Variants in RBMS2 observed in about 807,000 individuals in gnomAD.
The protein encoded by RBMS2 is RNA binding motif single stranded interacting protein 2.
A neutral mutation model predicts 58.4 loss-of-function variants in RBMS2; 38 were observed. That is an observed-to-expected ratio of 0.65 (90% CI 0.50 to 0.85). The LOEUF (loss-of-function observed/expected upper bound fraction) is 0.85. Ranked by LOEUF, RBMS2 falls within the 40% of genes least tolerant of loss-of-function variation. The pLI, the probability that RBMS2 is intolerant of heterozygous loss-of-function variation, is 0.00. For synonymous variants in RBMS2, 151 were observed against 180.7 expected (o/e 0.84, Z 1.32); for missense variants, 367 against 503.7 (o/e 0.73, Z 2.60).
rs12305313 is a variant in RBMS2 at position 56,577,758 on chromosome 12, T to C, written c.543-3426T>C. 8.2e-3 allele frequency among the ~76,000 whole-genome samples: 1,247 copies of C among 152,054 alleles called. 17 individuals are homozygous for C. Among genetic ancestry groups the C allele is most frequent in the African/African-American group, 0.029 (1,192 of 41,472 alleles). ...AGTGCAGTGCTGCAATCTTGGCTCA[T>C]GGCAACCTCTGCCTCCCAGGTTCAA... is the stretch of plus-strand genomic sequence containing the variant. On this transcript the variant is annotated intron_variant, in intron 5 of 13. Coordinates refer to ENST00000262031, the MANE Select transcript of RBMS2 (RefSeq NM_002898.4).
At chr12:56,539,688 G>A in intron 1 of RBMS2, 1 of 451,146 alleles carries the variant, frequency 2.2e-6, no homozygotes, top group Non-Finnish European at 4.4e-6. Context: ...TTTTTGAGAT[G>A]GAGTTTCGTT....
rs1439249250 is a variant in RBMS2, at chr12:56,546,157, G to A, written c.67-16260G>A. 2.1e-4 allele frequency among the ~76,000 whole-genome samples: 32 copies of A among 149,552 alleles called. 1 individual carries two copies. The highest frequency in any genetic ancestry group is 2.0e-3 in the Admixed American group (30 of 14,996). On this transcript the variant is annotated intron_variant, in intron 1 of 13. Coordinates refer to ENST00000262031, the MANE Select transcript of RBMS2 (RefSeq NM_002898.4). ...TTTTGAGACAGAGTCTTGCTCTGTC[G>A]CCCAGGCTGGAGTGCAGTGGTGCGA...
In RBMS2 at chr12:56,581,483, G is replaced by A. The variant is rs746546309; in HGVS notation, c.707G>A (p.Arg236Gln). The stretch of plus-strand genomic sequence containing the variant: ...CAAGGAAAATTTGTGCAAAATGGAC[G>A]GGCTTGGCCAAGGAATGCAGACATG... ...QNQGKFVQNG[R>Q]AWPRNADMGV... The change falls in exon 7 of 14, where the codon CGG (arginine) becomes CAG (glutamine). Residue 236 changes from arginine to glutamine, a missense_variant. By Grantham distance (43) the Arg-to-Gln change is conservative (BLOSUM62 1). Around this residue, in one of 3 missense-constraint regions of RBMS2, gnomAD observed 220 missense variants for 261.1 expected, o/e 0.84. Coordinates refer to ENST00000262031, the MANE Select transcript of RBMS2 (RefSeq NM_002898.4). The A allele has an allele frequency of 1.2e-6, 2 of 1,614,158 alleles. No homozygotes were observed. The highest frequency in any genetic ancestry group is 1.7e-6 in the Non-Finnish European group (2 of 1,180,026).
chr12:56,587,559 A>C lies in RBMS2; in HGVS notation c.957A>C (p.Ser319=). 1.2e-6 allele frequency: 2 copies of C among 1,613,652 alleles called. No homozygotes were observed. The highest frequency in any genetic ancestry group is 1.7e-6 in the Non-Finnish European group (2 of 1,179,754). ...TCCTTTGTTGCTGCCTCTAGGGTTC[A>C]GTTCTGACACCAGGGATGGACCATC... The part of the protein sequence containing the change: ...HHSYLMQPSG[S]VLTPGMDHPI... Residue 319 remains serine, a synonymous_variant, in exon 11 of 14, where the codon TCA becomes TCC. Coordinates refer to ENST00000262031, the MANE Select transcript of RBMS2 (RefSeq NM_002898.4).
intron 1 of RBMS2, among the ~76,000 whole-genome samples, chr12:56,536,922 CTTTTTT>C (rs975256484): frequency 2.3e-5 from 3 of 131,650 alleles, no homozygotes; most frequent in South Asian, 2.4e-4. Context: ...CCATCTTGAA[CTTTTTT>C]TTTTTTTTTT....
chr12:56,587,967 A>T lies in RBMS2; in HGVS notation c.1062+303A>T, dbSNP rs71459380. Among the ~76,000 whole-genome samples the T allele has an allele frequency of 4.1e-3, 620 of 152,262 alleles. 1 individual carries two copies. The highest frequency in any genetic ancestry group is 7.1e-3 in the Non-Finnish European group (484 of 68,014). On this transcript the variant is annotated intron_variant, in intron 11 of 13. Coordinates refer to ENST00000262031, the MANE Select transcript of RBMS2 (RefSeq NM_002898.4). ...GAATCCTCATCAAAATAGTACCTGG[A>T]AGGATGGAGGAAGCTCATTAGGTTT...
intron 10 of RBMS2, 38 bp downstream of exon 10, chr12:56,586,964 T>C: frequency 1.3e-6 from 2 of 1,584,020 alleles, no homozygotes; most frequent in Non-Finnish European, 1.7e-6. Flanking sequence ...AAAGAGGCAA[T>C]TTGATGTAAA....
chr12:56,522,251 C>T (rs945248080), intron 1 of RBMS2, among the ~76,000 whole-genome samples, 162 bp downstream of exon 1: 3 of 152,050 alleles, frequency 2.0e-5, no homozygotes, highest in Non-Finnish European at 1.5e-5. Context: ...CTTTCTGCAT[C>T]TTTCCTCAAC....
chr12:56,569,467 G>A (rs1408777744), intron 3 of RBMS2, among the ~76,000 whole-genome samples: 2 of 152,172 alleles, frequency 1.3e-5, no homozygotes, highest in Non-Finnish European at 2.9e-5. Context: ...AAGAGAAAGG[G>A]CTATAAGCTG....
chr12:56,542,696 A>G (rs556935040), intron 1 of RBMS2, among the ~76,000 whole-genome samples: 1 of 151,020 alleles, frequency 6.6e-6, no homozygotes, highest in South Asian at 2.1e-4. Flanking sequence ...CTATAGGTGC[A>G]CACCACTATG....
intron 2 of RBMS2, among the ~76,000 whole-genome samples, chr12:56,564,854 G>A (rs112055513): frequency 0.037 from 5,586 of 152,120 alleles, 168 homozygotes; most frequent in Non-Finnish European, 0.052. Context: ...GGCACCTGTA[G>A]TCCCAGCTAC....
chr12:56,589,361 G>T lies in RBMS2; in HGVS notation c.*228G>T. 8.5e-7 allele frequency: 1 copy of T among 1,183,194 alleles called. No homozygotes were observed. The highest frequency in any genetic ancestry group is 3.6e-5 in the Admixed American group (1 of 27,430). The allele number at this position is 1,183,194 out of a possible 1,614,324, so 73.3% of individuals were successfully genotyped here. A position where few individuals can be genotyped will look rare whatever the true frequency, so the allele number is the denominator to read the frequency against. On this transcript the variant is annotated 3_prime_UTR_variant, in exon 14 of 14. Coordinates refer to ENST00000262031, the MANE Select transcript of RBMS2 (RefSeq NM_002898.4). Reference sequence around the variant, plus strand: ...CTGGGGGAACCATCACTTTTTTTGTGTGCTACATTCAAGGAGATCAAAAAA... The same window carrying T: ...CTGGGGGAACCATCACTTTTTTTGTTTGCTACATTCAAGGAGATCAAAAAA...
chr12:56,557,741 C>CT (rs529458824), intron 1 of RBMS2, among the ~76,000 whole-genome samples: 1,482 of 141,316 alleles, frequency 0.01, 29 homozygotes, highest in African/African-American at 0.03. Flanking sequence ...CTTTTCTTTT[C>CT]TTTTTTTTTT....
intron 5 of RBMS2, among the ~76,000 whole-genome samples, chr12:56,573,512 GAA>G (rs751545636): frequency 1.4e-3 from 185 of 131,408 alleles, no homozygotes; most frequent in Middle Eastern, 3.9e-3. Flanking sequence ...AGAAGAAGAA[GAA>G]AAGAAATAGT....
intron 1 of RBMS2, among the ~76,000 whole-genome samples, chr12:56,537,251 T>C (rs1875082994): frequency 6.6e-6 from 1 of 152,152 alleles, no homozygotes; most frequent in African/African-American, 2.4e-5. Flanking sequence ...GTATACAGTT[T>C]AGTAGCATTA....
chr12:56,589,499 T>C lies in RBMS2; in HGVS notation c.*366T>C, dbSNP rs1565787863. 4.2e-6 allele frequency: 1 copy of C among 235,482 alleles called. No homozygotes were observed. Among genetic ancestry groups the C allele is most frequent in the Non-Finnish European group, 8.2e-6 (1 of 122,120 alleles). 14.6% of individuals were successfully genotyped at this position (235,482 alleles called of 1,614,324 possible). On this transcript the variant is annotated 3_prime_UTR_variant, in exon 14 of 14. Transcript: ENST00000262031. ...CTCATCTATATGAAAAAGTTTTCGA[T>C]GTATTGGAATTATTTGGGAATGCTT... is the stretch of plus-strand genomic sequence containing the variant.
Position 56,571,819 on chromosome 12 carries a change from A to G in RBMS2, c.506A>G (p.Asp169Gly). 1 of 1,591,340 alleles carries G rather than the reference A, an allele frequency of 6.3e-7. No homozygotes were observed. Among genetic ancestry groups the G allele is most frequent in the Non-Finnish European group, 8.6e-7 (1 of 1,167,522 alleles). ...GQVISTRILR[D>G]TSGTSRGVGF... is the part of the protein sequence containing the mutation. The stretch of plus-strand genomic sequence containing the variant: ...GTTATCTCCACCCGTATCCTTCGAG[A>G]TACCAGTGGGACCAGCAGAGGTGTT... Residue 169 changes from aspartate (D) to glycine (G), a missense_variant, in exon 5 of 14, where the codon GAT (aspartate) becomes GGT (glycine). By Grantham distance (94) the Asp-to-Gly change is moderately conservative (BLOSUM62 -1). Transcript: ENST00000262031.
At chr12:56,571,069 G>T (rs930458519) in intron 4 of RBMS2, among the ~76,000 whole-genome samples, 2 of 152,196 alleles carry the variant, frequency 1.3e-5, no homozygotes, top group African/African-American at 4.8e-5. Context: ...ACTATTGGAT[G>T]ATATTGCCAT....
intron 1 of RBMS2, among the ~76,000 whole-genome samples, chr12:56,535,749 G>T (rs1874669235): frequency 6.6e-6 from 1 of 151,996 alleles, no homozygotes; most frequent in African/African-American, 2.4e-5. Flanking sequence ...TCAGTAAATG[G>T]CAACTTCATT....
Sources: gnomAD v4.1 joint callset for allele counts (sites outside exome capture counted in the v4.1 genomes callset) on GRCh38, gnomAD v4.1.1 for gene constraint, gnomAD v4.1.1 regional missense constraint, MANE v1.5 for transcripts, NCBI Gene and HGNC (gene_info 2026-07-23, HGNC 2026-07-21) for gene names.